The following CPT1B variants were observed in gnomAD, a reference collection of about 807,000 sequenced individuals.
CPT1B encodes the protein carnitine O-palmitoyltransferase 1, muscle isoform.
Under a neutral mutation model 92.7 loss-of-function variants are expected in CPT1B, and 57 were observed. That is an observed-to-expected ratio of 0.62 (90% CI 0.50 to 0.77). The LOEUF (loss-of-function observed/expected upper bound fraction) is 0.77, where lower values mean the gene tolerates loss of function less well. Among genes scored for constraint, CPT1B ranks in the 30% least tolerant of loss-of-function variants. CPT1B has a pLI of 0.00. For missense variants in CPT1B, 983 were observed against 1,017.4 expected (o/e 0.97, Z 0.46); for synonymous variants, 398 against 383.5 (o/e 1.04, Z -0.44).
intron 17 of CPT1B, among the ~76,000 whole-genome samples, chr22:50,570,023 G>A (rs2269387): frequency 0.037 from 5,689 of 152,270 alleles, 223 homozygotes; most frequent in East Asian, 0.14. Context: ...CCAGTGCACT[G>A]CCCAGTACCC....
chr22:50,575,174 C>T (rs774138018), intron 7 of CPT1B, among the ~76,000 whole-genome samples: 6 of 152,038 alleles, frequency 3.9e-5, no homozygotes, highest in South Asian at 4.2e-4. Context: ...CCACCACGCC[C>T]GGCTAATTTT....
Position 50,574,259 on chromosome 22 carries a change from C to T in CPT1B, c.970+76G>A, listed in dbSNP as rs367668179. 9.1e-5 allele frequency: 104 copies of T among 1,146,610 alleles called. No individual in the cohort carries two copies. The African/African-American group carries it at 1.2e-3, about 14-fold the overall frequency. 71.0% of individuals were successfully genotyped at this position (1,146,610 alleles called of 1,614,324 possible). On this transcript the variant is annotated intron_variant, in intron 9 of 19. Coordinates refer to ENST00000312108, the MANE Select transcript of CPT1B (RefSeq NM_152246.3). ...TTTCAGGACCCTGAGACACTGGGGACGCTTGGTGATGAGCAGGCAGGAGGG... is the reference window on the plus strand; with the variant it reads ...TTTCAGGACCCTGAGACACTGGGGATGCTTGGTGATGAGCAGGCAGGAGGG...
chr22:50,577,469 G>C lies in CPT1B; in HGVS notation c.142-6C>G, dbSNP rs2070503153. On this transcript the variant is annotated splice_region_variant and splice_polypyrimidine_tract_variant and intron_variant, in intron 2 of 19. Transcript: ENST00000312108. ...ACGCCCCTGAGGATGCCATTCTGTG[G>C]GCAGAAACAGGCGCCCTTATGGAGC... The C allele has an allele frequency of 6.2e-7, 1 of 1,613,304 alleles. No homozygotes were observed. The highest frequency in any genetic ancestry group is 1.3e-5 in the African/African-American group (1 of 75,068).
intron 17 of CPT1B, 84 bp from the exon 18 acceptor site, chr22:50,569,752 C>T: frequency 8.2e-7 from 1 of 1,213,370 alleles, no homozygotes; most frequent in Non-Finnish European, 1.2e-6. Context: ...TTGTTCTTCC[C>T]ACAAGAGTTG....
intron 17 of CPT1B, among the ~76,000 whole-genome samples, chr22:50,569,895 T>C (rs2070078606): frequency 6.6e-6 from 1 of 152,114 alleles, no homozygotes; most frequent in African/African-American, 2.4e-5. Flanking sequence ...GGGGGCTTAT[T>C]CTCTAGATCA....
At chr22:50,577,605 C>T in intron 2 of CPT1B, 142 bp from the exon 3 acceptor site, 1 of 1,410,438 alleles carries the variant, frequency 7.1e-7, no homozygotes, top group Non-Finnish European at 9.6e-7. Context: ...CCGCCACACC[C>T]ACAGCTCCCT....
chr22:50,570,960 G>A lies in CPT1B; in HGVS notation c.1959C>T (p.Ile653=), dbSNP rs929355504. 2 of 1,613,980 alleles carry A rather than the reference G, an allele frequency of 1.2e-6. No individual in the cohort carries two copies. Among genetic ancestry groups the A allele is most frequent in the Middle Eastern group, 1.6e-4 (1 of 6,062 alleles). Residue 653 remains isoleucine (I), a synonymous_variant, in exon 16 of 20, where the codon ATC becomes ATT. Coordinates refer to ENST00000312108, the MANE Select transcript of CPT1B (RefSeq NM_152246.3). The part of the protein sequence containing the change: ...MYRLAMTGAG[I]DRHLFCLYLV... ...AGTAAAGGCAGAAGAGGTGCCTGTCGATCCCTGCCCCGGTCATGGCCAGGC... is the reference window on the plus strand; with the variant it reads ...AGTAAAGGCAGAAGAGGTGCCTGTCAATCCCTGCCCCGGTCATGGCCAGGC...
At chr22:50,576,141 G>A (rs1266425843) in intron 6 of CPT1B, 29 bp from the exon 7 acceptor site, 2 of 1,613,988 alleles carry the variant, frequency 1.2e-6, no homozygotes, top group East Asian at 4.5e-5. Flanking sequence ...TTAGAGCTGG[G>A]GCGGGTGCAG....
At chr22:50,571,323 G>A (rs937844911) in intron 14 of CPT1B, 31 bp from the exon 15 acceptor site, 13 of 1,613,670 alleles carry the variant, frequency 8.1e-6, no homozygotes, top group Non-Finnish European at 1.1e-5. Context: ...AATCTGGCAG[G>A]TGGACCCTGG....
intron 16 of CPT1B, 91 bp downstream of exon 16, chr22:50,570,800 G>C: frequency 6.6e-7 from 1 of 1,523,390 alleles, no homozygotes; most frequent in Admixed American, 1.9e-5. Context: ...GAGCAAGCCA[G>C]GAAAACAGGC....
intron 13 of CPT1B, 140 bp from the exon 14 acceptor site, chr22:50,571,679 G>C (rs1326434194): frequency 2.0e-6 from 2 of 984,048 alleles, no homozygotes; most frequent in Non-Finnish European, 3.0e-6. Context: ...GTACGCAAAA[G>C]ACAGTCTGAG....
At chr22:50,570,747 T>C in intron 16 of CPT1B, 144 bp downstream of exon 16, 1 of 1,050,868 alleles carries the variant, frequency 9.5e-7, no homozygotes, top group Non-Finnish European at 1.4e-6. Flanking sequence ...CCAGGTGGGG[T>C]GTGGGCGGGA....
intron 13 of CPT1B, 107 bp downstream of exon 13, chr22:50,571,899 G>A: frequency 9.3e-7 from 1 of 1,080,540 alleles, no homozygotes; most frequent in South Asian, 1.4e-5. Flanking sequence ...CCGAGGGCTG[G>A]GCCAGGCAGT....
In CPT1B at chr22:50,571,233, T is replaced by C; in HGVS notation, c.1800A>G (p.Gly600=). The change falls in exon 15 of 20, where the codon GGA becomes GGG. Residue 600 remains glycine, a synonymous_variant. Transcript: ENST00000312108. ...EASMTRMFRE[G]RTETVRSCTS... ...TACAGGAACGCACAGTCTCAGTCCGTCCCTCCCGGAACATTCTGGTCATTG... is the reference window on the plus strand; with the variant it reads ...TACAGGAACGCACAGTCTCAGTCCGCCCCTCCCGGAACATTCTGGTCATTG... 1 of 1,613,982 alleles carries C rather than the reference T, an allele frequency of 6.2e-7. No homozygotes were observed. The highest frequency in any genetic ancestry group is 8.5e-7 in the Non-Finnish European group (1 of 1,180,002).
rs371897290 is a variant in CPT1B, at chr22:50,576,839, C to T, written c.459+18G>A. 2 of 1,613,652 alleles carry T rather than the reference C, an allele frequency of 1.2e-6. No individual in the cohort carries two copies. Among genetic ancestry groups the T allele is most frequent in the African/African-American group, 1.3e-5 (1 of 75,052 alleles). Reference sequence around the variant, plus strand: ...TCTCAACCCAGGTGCCTGAACCCCTCCACTGGCTGCTGCTCACAGCCCAGA... The same window carrying T: ...TCTCAACCCAGGTGCCTGAACCCCTTCACTGGCTGCTGCTCACAGCCCAGA... On this transcript the variant is annotated intron_variant, in intron 4 of 19. Transcript: ENST00000312108.
intron 3 of CPT1B, 54 bp from the exon 4 acceptor site, chr22:50,577,088 G>A (rs1054757258): frequency 6.3e-7 from 1 of 1,593,410 alleles, no homozygotes; most frequent in Non-Finnish European, 8.6e-7. Context: ...AGCCTCGGGT[G>A]GCTGTGAACT....
chr22:50,571,451 C>T lies in CPT1B; in HGVS notation c.1664G>A (p.Gly555Asp), dbSNP rs995023186. ...ELYCFQFLPF[G>D]KGLIKKCRTS... ...CCGGCACTTCTTGATGAGGCCTTTG[C>T]CAAAGGGCAGGAACTGGAAGCAGTA... The change falls in exon 14 of 20, where the codon GGC (glycine) becomes GAC (aspartate). Residue 555 changes from glycine (G) to aspartate (D), a missense_variant. Transcript: ENST00000312108. The T allele has an allele frequency of 3.7e-6, 6 of 1,613,814 alleles. No homozygotes were observed. The highest frequency in any genetic ancestry group is 5.1e-6 in the Non-Finnish European group (6 of 1,180,032).
chr22:50,569,393 C>T lies in CPT1B; in HGVS notation c.2264G>A (p.Arg755His), dbSNP rs200771908. 4.3e-6 allele frequency: 7 copies of T among 1,614,144 alleles called. No individual in the cohort carries two copies. Among genetic ancestry groups the T allele is most frequent in the East Asian group, 2.2e-5 (1 of 44,880 alleles). ...TNAQRFGNHI[R>H]KALLDIADLF... Reference sequence around the variant, plus strand: ...ATCAGCAATGTCCAGCAGGGCTTTGCGGATGTGGTTTCCAAAGCGCTGGGC... The same window carrying T: ...ATCAGCAATGTCCAGCAGGGCTTTGTGGATGTGGTTTCCAAAGCGCTGGGC... The change falls in exon 19 of 20, where the codon CGC becomes CAC. Residue 755 changes from arginine (R) to histidine (H), a missense_variant. Transcript: ENST00000312108.
rs541606300 is a variant in CPT1B, at chr22:50,571,473, A to C, written c.1642T>G (p.Cys548Gly). The change falls in exon 14 of 20, where the codon TGC becomes GGC. Residue 548 changes from cysteine (C) to glycine (G), a missense_variant. Transcript: ENST00000312108. Reference protein sequence around the residue: ...KALADDVELYCFQFLPFGKGL... With the variant: ...KALADDVELYGFQFLPFGKGL... ...TTGCCAAAGGGCAGGAACTGGAAGCAGTACAACTCCACGTCGTCTGCCAAC... is the reference window on the plus strand; with the variant it reads ...TTGCCAAAGGGCAGGAACTGGAAGCCGTACAACTCCACGTCGTCTGCCAAC... The C allele has an allele frequency of 2.2e-5, 35 of 1,613,812 alleles. No individual in the cohort carries two copies. The East Asian group carries it at 5.6e-4, about 26-fold the overall frequency.
Sources: allele counts gnomAD v4.1 joint callset (sites outside exome capture counted in the v4.1 genomes callset), GRCh38; gene constraint gnomAD v4.1.1; transcripts MANE v1.5; gene names NCBI Gene and HGNC (gene_info 2026-07-23, HGNC 2026-07-21).